CASZ1: variants seen among roughly 807,000 people sequenced by gnomAD.
The protein encoded by CASZ1 is zinc finger protein castor homolog 1.
A neutral mutation model predicts 135.2 loss-of-function variants in CASZ1; 28 were observed. The observed-to-expected ratio is 0.21, with a 90% confidence interval of 0.15 to 0.28. The LOEUF (loss-of-function observed/expected upper bound fraction) is 0.28. Ranked by LOEUF, CASZ1 falls within the 10% of genes least tolerant of loss-of-function variation. CASZ1 has a pLI of 1.00. For missense variants in CASZ1, 2,161 were observed against 2,453.3 expected, an observed-to-expected ratio of 0.88 and a Z score of 2.52; for synonymous variants, 1,068 against 1,073.4, an observed-to-expected ratio of 0.99 and a Z score of 0.10.
intron 2 of CASZ1, among the ~76,000 whole-genome samples, chr1:10,715,113 G>A (rs1639354091): frequency 6.6e-6 from 1 of 152,228 alleles, no homozygotes; most frequent in Non-Finnish European, 1.5e-5. Flanking sequence ...CTCCGAGTCA[G>A]CCCACCCTGG....
rs762940266 is a variant in CASZ1, at chr1:10,774,531, C to T, written c.-233-13674G>A. Among the ~76,000 whole-genome samples the T allele has an allele frequency of 2.1e-5, 3 of 144,118 alleles. No homozygotes were observed. The highest frequency in any genetic ancestry group is 4.6e-5 in the Non-Finnish European group (3 of 65,152). 94.5% of individuals were successfully genotyped at this position (144,118 alleles called of 152,430 possible). ...TGCCTTCTGCACATTCTTTAAGCCC[C>T]GTGATCCCAAGAAATCCCATCCATA... On this transcript the variant is annotated intron_variant, in intron 1 of 20. Transcript: ENST00000377022. The surrounding 1 kb of genome is among the most constrained non-coding windows in gnomAD (Gnocchi z 4.4).
intron 2 of CASZ1, among the ~76,000 whole-genome samples, chr1:10,744,259 G>A (rs1363724995): frequency 6.6e-6 from 1 of 150,940 alleles, no homozygotes; most frequent in Non-Finnish European, 1.5e-5. Flanking sequence ...ATGGTAAAGA[G>A]AGCCAAGGGT....
intron 4 of CASZ1, among the ~76,000 whole-genome samples, chr1:10,671,444 C>G (rs908650626): frequency 6.6e-6 from 1 of 152,204 alleles, no homozygotes; most frequent in African/African-American, 2.4e-5. Flanking sequence ...ATGGCTCCTG[C>G]AGCCATGAGG....
intron 4 of CASZ1, among the ~76,000 whole-genome samples, chr1:10,670,134 G>A (rs1210460798): frequency 1.3e-5 from 2 of 152,186 alleles, no homozygotes; most frequent in African/African-American, 4.8e-5. Flanking sequence ...GCAGCTCGGG[G>A]GCCACTCTGG....
At chr1:10,743,811 G>A (rs377734277) in intron 2 of CASZ1, among the ~76,000 whole-genome samples, 3 of 143,066 alleles carry the variant, frequency 2.1e-5, no homozygotes, top group East Asian at 2.3e-4. Context: ...TTAGGTACCC[G>A]ATGAGCAGAG....
At position 10,697,146 on chromosome 1, in the gene CASZ1, G is replaced by T. The variant is rs954999804; in HGVS notation, c.-23-3234C>A. Among the ~76,000 whole-genome samples the T allele has an allele frequency of 6.6e-6, 1 of 152,218 alleles. No individual in the cohort carries two copies. Among genetic ancestry groups the T allele is most frequent in the African/African-American group, 2.4e-5 (1 of 41,452 alleles). ...AGCAAGAAACAGGCCAACTCGGAGC[G>T]CAAGGATTTATGAAGGTCAGAGAAG... On this transcript the variant is annotated intron_variant, in intron 3 of 20. Transcript: ENST00000377022. This position sits in a 1 kb window ranked among gnomAD's most constrained non-coding sequence, Gnocchi z 4.7.
At chr1:10,648,284 C>G in intron 15 of CASZ1, 145 bp from the exon 16 acceptor site, 1 of 622,956 alleles carries the variant, frequency 1.6e-6, no homozygotes, top group South Asian at 2.3e-5. Context: ...CCTGTGACCC[C>G]ACCAGGACAG....
rs891136047 is a variant in CASZ1 at position 10,747,847 on chromosome 1, C to G, written c.-77+12854G>C. Among the ~76,000 whole-genome samples the G allele has an allele frequency of 6.7e-6, 1 of 148,930 alleles. No homozygotes were observed. Among genetic ancestry groups the G allele is most frequent in the East Asian group, 2.0e-4 (1 of 5,094 alleles). ...TTTTTTTTTTTTTGAGATGGAGTCT[C>G]GCTCTGCCGCCCAGGCTGGAGTGCA... is the stretch of plus-strand genomic sequence containing the variant. On this transcript the variant is annotated intron_variant, in intron 2 of 20. Coordinates refer to ENST00000377022, the MANE Select transcript of CASZ1 (RefSeq NM_001079843.3). This position sits in a 1 kb window ranked among gnomAD's most constrained non-coding sequence, Gnocchi z 4.3.
At position 10,655,779 on chromosome 1, in the gene CASZ1, T is replaced by C. The variant is rs1443174477; in HGVS notation, c.1535A>G (p.Tyr512Cys). 6.2e-7 allele frequency: 1 copy of C among 1,614,154 alleles called. No homozygotes were observed. Among genetic ancestry groups the C allele is most frequent in the Non-Finnish European group, 8.5e-7 (1 of 1,179,980 alleles). ...FTSKQDVIRH[Y>C]NMHKKRDNSL... ...GTTGTCGCGCTTCTTGTGCATGTTG[T>C]AGTGGCGGATCACGTCCTGCTTACT... Residue 512 changes from tyrosine (Y) to cysteine (C), a missense_variant, in exon 9 of 21, where the codon TAC (tyrosine) becomes TGC (cysteine). Physicochemically the swap from Tyr to Cys is radical, Grantham distance 194 (BLOSUM62 -2). Coordinates refer to ENST00000377022, the MANE Select transcript of CASZ1 (RefSeq NM_001079843.3).
At chr1:10,738,412 G>A (rs987005294) in intron 2 of CASZ1, among the ~76,000 whole-genome samples, 2 of 152,256 alleles carry the variant, frequency 1.3e-5, no homozygotes, top group Non-Finnish European at 2.9e-5. Context: ...TGGCTGGCAG[G>A]ACGGGTGCCC....
chr1:10,781,074 C>T (rs138186591), intron 1 of CASZ1, among the ~76,000 whole-genome samples: 3 of 152,370 alleles, frequency 2.0e-5, no homozygotes, highest in Admixed American at 6.5e-5. Context: ...CCTGTCTCCC[C>T]GCTCCCCTAC....
intron 18 of CASZ1, among the ~76,000 whole-genome samples, chr1:10,643,551 G>C (rs1432659574): frequency 3.3e-5 from 5 of 152,230 alleles, no homozygotes; most frequent in African/African-American, 1.2e-4. Context: ...GACAATGCTG[G>C]GCAGGCCCCC....
intron 18 of CASZ1, among the ~76,000 whole-genome samples, chr1:10,643,741 C>T (rs550339944): frequency 2.6e-5 from 4 of 152,198 alleles, no homozygotes; most frequent in East Asian, 1.9e-4. Flanking sequence ...CGCTCTGGGC[C>T]GAGAACAAAC....
Position 10,718,863 on chromosome 1 carries a change from T to TTTCTCTTTTC in CASZ1, c.-76-13320_-76-13319insGAAAAGAGAA, listed in dbSNP as rs372365476. On this transcript the variant is annotated intron_variant, in intron 2 of 20. Transcript: ENST00000377022. ...CACAAGAGGAATTACTGCCTCTTTCTTTTTCTTTTCTTTTCTTTTTTTTTA... is the reference window on the plus strand; with the variant it reads ...CACAAGAGGAATTACTGCCTCTTTCTTTCTCTTTTCTTTTCTTTTCTTTTCTTTTTTTTTA... Among the ~76,000 whole-genome samples the TTTCTCTTTTC allele has an allele frequency of 1.4e-3, 219 of 152,306 alleles. 2 individuals are homozygous for TTTCTCTTTTC. Among genetic ancestry groups the TTTCTCTTTTC allele is most frequent in the African/African-American group, 5.1e-3 (214 of 41,564 alleles).
chr1:10,756,702 C>A lies in CASZ1; in HGVS notation c.-77+3999G>T, dbSNP rs1216349089. 3.3e-5 allele frequency among the ~76,000 whole-genome samples: 5 copies of A among 152,306 alleles called. No homozygotes were observed. The highest frequency in any genetic ancestry group is 9.6e-5 in the African/African-American group (4 of 41,558). ...CCTTCAGGCGAGCGGGGTACTGGGG[C>A]AATTCACACCTTTGTGTGTGGCGAC... On this transcript the variant is annotated intron_variant, in intron 2 of 20. Transcript: ENST00000377022. This position sits in a 1 kb window ranked among gnomAD's most constrained non-coding sequence, Gnocchi z 5.9.
intron 1 of CASZ1, among the ~76,000 whole-genome samples, chr1:10,790,321 C>A (rs1004353343): frequency 6.6e-6 from 1 of 152,212 alleles, no homozygotes; most frequent in African/African-American, 2.4e-5. Context: ...GCCGGGCTGC[C>A]CTTCAGAGAA....
intron 2 of CASZ1, among the ~76,000 whole-genome samples, chr1:10,750,939 A>T (rs1221702739): frequency 6.6e-6 from 1 of 150,936 alleles, no homozygotes; most frequent in African/African-American, 2.4e-5. Context: ...ATAAAAAATA[A>T]AAGGAGGCTG....
chr1:10,685,156 G>T (rs1255497798), intron 4 of CASZ1, among the ~76,000 whole-genome samples: 1 of 152,244 alleles, frequency 6.6e-6, no homozygotes, highest in Non-Finnish European at 1.5e-5. Flanking sequence ...GATTCTTAAA[G>T]CAATTACCAA....
At chr1:10,723,814 C>G (rs1639547898) in intron 2 of CASZ1, among the ~76,000 whole-genome samples, 1 of 152,192 alleles carries the variant, frequency 6.6e-6, no homozygotes, top group South Asian at 2.1e-4. Flanking sequence ...CTCTAACTCC[C>G]CCTGCAACCT....
Sources: gnomAD v4.1 joint callset for allele counts (sites outside exome capture counted in the v4.1 genomes callset) on GRCh38, gnomAD v4.1.1 for gene constraint, Gnocchi (gnomAD v3.1) non-coding constraint, MANE v1.5 for transcripts, NCBI Gene and HGNC (gene_info 2026-07-23, HGNC 2026-07-21) for gene names.